The following NACC2 variants were observed in gnomAD, a reference collection of about 807,000 sequenced individuals.
NACC2 encodes nucleus accumbens-associated protein 2.
Under a neutral mutation model 25.1 loss-of-function variants are expected in NACC2, and 8 were observed. The observed-to-expected ratio is 0.32, with a 90% CI of 0.19 to 0.57. NACC2 has a LOEUF of 0.57. Among genes scored for constraint, NACC2 ranks in the 20% least tolerant of loss-of-function variants. The pLI is 0.89. For missense variants in NACC2, 644 were observed against 650.2 expected, an observed-to-expected ratio of 0.99 and a Z score of 0.10; for synonymous variants, 435 against 294.7, an observed-to-expected ratio of 1.48 and a Z score of -4.88.
intron 2 of NACC2, among the ~76,000 whole-genome samples, chr9:136,025,453 A>C (rs957913962): frequency 9.9e-5 from 15 of 152,124 alleles, no homozygotes; most frequent in Admixed American, 3.9e-4. Context: ...AACAAAACAA[A>C]ACAACAAAAC....
Position 136,013,159 on chromosome 9 carries a change from G to GGCCCCGGCCCC in NACC2, c.1255+39_1255+40insGGGGCCGGGGC. ...CTCCTCAGGCTGGGATCTGAACCCA[G>GGCCCCGGCCCC]CCCCGGCCCCACCCACCCGAGAGAC... On this transcript the variant is annotated intron_variant, in intron 5 of 5. Transcript: ENST00000277554. The surrounding 1 kb of genome is among the most constrained non-coding windows in gnomAD (Gnocchi z 6.6). 1 of 754,890 alleles carries GGCCCCGGCCCC rather than the reference G, an allele frequency of 1.3e-6. No individual in the cohort carries two copies. Among genetic ancestry groups the GGCCCCGGCCCC allele is most frequent in the Non-Finnish European group, 2.3e-6 (1 of 425,914 alleles). The allele number at this position is 754,890 out of a possible 1,614,324, so 46.8% of individuals were successfully genotyped here.
chr9:136,078,978 C>T (rs1213478050), intron 1 of NACC2, among the ~76,000 whole-genome samples: 2 of 152,244 alleles, frequency 1.3e-5, no homozygotes, highest in Admixed American at 6.5e-5. Context: ...GCGCCGCCGC[C>T]GCCCCTCTCC....
chr9:136,026,972 TA>T (rs1233052304), intron 2 of NACC2, among the ~76,000 whole-genome samples: 1 of 152,188 alleles, frequency 6.6e-6, no homozygotes, highest in Non-Finnish European at 1.5e-5. Context: ...CTCATGCCTG[TA>T]ATCCCAGCAC....
At chr9:136,037,869 T>A (rs982822719) in intron 2 of NACC2, among the ~76,000 whole-genome samples, 2 of 151,188 alleles carry the variant, frequency 1.3e-5, no homozygotes, top group African/African-American at 4.9e-5. Flanking sequence ...AAAAAAAAAA[T>A]GAAAACTTAA....
At chr9:136,058,880 G>A (rs975227405) in intron 1 of NACC2, among the ~76,000 whole-genome samples, 8 of 152,254 alleles carry the variant, frequency 5.3e-5, no homozygotes, top group Admixed American at 5.2e-4. Flanking sequence ...GGACGCAGGG[G>A]CCGGGGCAGG....
chr9:136,045,062 T>C (rs998014763), intron 2 of NACC2, among the ~76,000 whole-genome samples: 4 of 152,236 alleles, frequency 2.6e-5, no homozygotes, highest in African/African-American at 9.6e-5. Context: ...GGGTCCAGGA[T>C]GTGGGCAGCT....
chr9:136,045,026 G>A (rs1004109999), intron 2 of NACC2, among the ~76,000 whole-genome samples: 8 of 152,236 alleles, frequency 5.3e-5, no homozygotes, highest in South Asian at 2.1e-4. Context: ...TGTGTGCCAC[G>A]ACCCACACCC....
chr9:136,037,929 T>A (rs1376628282), intron 2 of NACC2, among the ~76,000 whole-genome samples: 1 of 152,196 alleles, frequency 6.6e-6, no homozygotes, highest in Non-Finnish European at 1.5e-5. Flanking sequence ...TAGTTCATAA[T>A]TATTAAAAAC....
intron 2 of NACC2, among the ~76,000 whole-genome samples, chr9:136,016,924 G>A (rs1840211959): frequency 6.6e-6 from 1 of 152,112 alleles, no homozygotes; most frequent in South Asian, 2.1e-4. Context: ...TGGGTAGCTG[G>A]ACAGGGGTGA....
intron 2 of NACC2, among the ~76,000 whole-genome samples, chr9:136,024,450 G>GT (rs1338194397): frequency 6.7e-6 from 1 of 148,502 alleles, no homozygotes; most frequent in Admixed American, 6.7e-5. Flanking sequence ...TGAGGACAGA[G>GT]GGTATGTGTG....
At position 136,006,681 on chromosome 9, in the gene NACC2, G is replaced by A. The variant is rs879614990; in HGVS notation, c.*4835C>T. 4.6e-5 allele frequency: 7 copies of A among 152,214 alleles called. No individual in the cohort carries two copies. The highest frequency in any genetic ancestry group is 1.2e-4 in the African/African-American group (5 of 41,522). The allele number at this position is 152,214 out of a possible 1,614,324, so 9.4% of individuals were successfully genotyped here. ...CTTGAAGCCCTCGGTTTCCCTGTTC[G>A]CTTTTGAATGTTTCAGTTTTAGTTA... On this transcript the variant is annotated 3_prime_UTR_variant, in exon 6 of 6. Transcript: ENST00000277554.
At chr9:136,053,611 A>AG (rs59821755) in intron 1 of NACC2, among the ~76,000 whole-genome samples, 1,700 of 152,272 alleles carry the variant, frequency 0.011, 39 homozygotes, top group African/African-American at 0.038. Context: ...CAACCCGGGC[A>AG]GGGGGGTACA....
chr9:136,022,238 C>T lies in NACC2; in HGVS notation c.887-5809G>A, dbSNP rs567544617. 3.9e-5 allele frequency among the ~76,000 whole-genome samples: 6 copies of T among 152,226 alleles called. No homozygotes were observed. Among genetic ancestry groups the T allele is most frequent in the Admixed American group, 2.0e-4 (3 of 15,288 alleles). On this transcript the variant is annotated intron_variant, in intron 2 of 5. Coordinates refer to ENST00000277554, the MANE Select transcript of NACC2 (RefSeq NM_144653.5). This position sits in a 1 kb window ranked among gnomAD's most constrained non-coding sequence, Gnocchi z 4.4. ...GGTGAGGGGCAATGTGGGGGCACCA[C>T]AGACGGGTGACCAGGCCCGGGTGAT...
In NACC2 at chr9:136,016,248, G is replaced by C. The variant is rs773903009; in HGVS notation, c.1051+17C>G. On this transcript the variant is annotated intron_variant, in intron 3 of 5. Coordinates refer to ENST00000277554, the MANE Select transcript of NACC2 (RefSeq NM_144653.5). Reference sequence around the variant, plus strand: ...GAGGACATTTGCATACAATAGATGGGTGGGAGGCAGCCTCACCTGCCACCA... The same window carrying C: ...GAGGACATTTGCATACAATAGATGGCTGGGAGGCAGCCTCACCTGCCACCA... The C allele has an allele frequency of 4.3e-6, 7 of 1,612,272 alleles. No homozygotes were observed. Among genetic ancestry groups the C allele is most frequent in the Non-Finnish European group, 2.5e-6 (3 of 1,179,884 alleles).
intron 1 of NACC2, among the ~76,000 whole-genome samples, chr9:136,088,045 G>A (rs7035831): frequency 0.56 from 84,919 of 151,972 alleles, 24,832 homozygotes; most frequent in South Asian, 0.69. Flanking sequence ...CCTGGAAGAC[G>A]GGCACCCCCA....
At chr9:136,079,065 T>C (rs1466745976) in intron 1 of NACC2, among the ~76,000 whole-genome samples, 1 of 152,210 alleles carries the variant, frequency 6.6e-6, no homozygotes, top group African/African-American at 2.4e-5. Flanking sequence ...CTTCTTTTTT[T>C]TTTTTTTAAG....
In NACC2 at chr9:136,007,353, A is replaced by C. The variant is rs1257126490; in HGVS notation, c.*4163T>G. On this transcript the variant is annotated 3_prime_UTR_variant, in exon 6 of 6. Transcript: ENST00000277554. ...TGGTGACGTGCACGCGCGTGCACAC[A>C]CACAGACACACGCGTGCACACATAC... 6.6e-6 allele frequency: 1 copy of C among 152,328 alleles called. No homozygotes were observed. Among genetic ancestry groups the C allele is most frequent in the Non-Finnish European group, 1.5e-5 (1 of 66,616 alleles). 9.4% of individuals were successfully genotyped at this position (152,328 alleles called of 1,614,324 possible).
In NACC2 at chr9:136,018,533, C is replaced by T. The variant is rs1483569797; in HGVS notation, c.887-2104G>A. Among the ~76,000 whole-genome samples the T allele has an allele frequency of 6.6e-6, 1 of 152,060 alleles. No homozygotes were observed. Among genetic ancestry groups the T allele is most frequent in the Non-Finnish European group, 1.5e-5 (1 of 67,998 alleles). On this transcript the variant is annotated intron_variant, in intron 2 of 5. Coordinates refer to ENST00000277554, the MANE Select transcript of NACC2 (RefSeq NM_144653.5). This position sits in a 1 kb window ranked among gnomAD's most constrained non-coding sequence, Gnocchi z 4.4. Reference sequence around the variant, plus strand: ...CCCTGACACTCCCTCCCCAGGGACCCACTGGCCCAGGATGAGCGTGGTACG... The same window carrying T: ...CCCTGACACTCCCTCCCCAGGGACCTACTGGCCCAGGATGAGCGTGGTACG...
intron 2 of NACC2, among the ~76,000 whole-genome samples, chr9:136,017,884 C>T (rs1241134079): frequency 1.3e-5 from 2 of 152,226 alleles, no homozygotes; most frequent in Non-Finnish European, 2.9e-5. Context: ...AAGGCCCAGC[C>T]TCCACCTGCC....
Sources: allele counts gnomAD v4.1 joint callset (sites outside exome capture counted in the v4.1 genomes callset), GRCh38; gene constraint gnomAD v4.1.1; non-coding constraint Gnocchi (gnomAD v3.1); transcripts MANE v1.5; gene names NCBI Gene and HGNC (gene_info 2026-07-23, HGNC 2026-07-21).